The following GNG2 variants were observed in gnomAD, a reference collection of about 807,000 sequenced individuals.
GNG2 encodes the protein guanine nucleotide-binding protein G(I)/G(S)/G(O) subunit gamma-2.
Under a neutral mutation model 5.5 loss-of-function variants are expected in GNG2, and 5 were observed. The ratio of observed to expected loss-of-function variants is 0.91; its 90% CI spans 0.48 to 1.92. The LOEUF (loss-of-function observed/expected upper bound fraction) is 1.92. Ranked by LOEUF, GNG2 falls within the 30% of genes most tolerant of loss-of-function variation. The pLI, the probability that GNG2 is intolerant of heterozygous loss-of-function variation, is 0.01. For synonymous variants in GNG2, 28 were observed against 32.0 expected, an observed-to-expected ratio of 0.88 and a Z score of 0.42; for missense variants, 55 against 88.4, an observed-to-expected ratio of 0.62 and a Z score of 1.52.
chr14:51,930,169 G>C (rs1180817499), intron 2 of GNG2, among the ~76,000 whole-genome samples: 1 of 152,110 alleles, frequency 6.6e-6, no homozygotes, highest in Non-Finnish European at 1.5e-5. Flanking sequence ...TGGCATATTT[G>C]GTTAATGCAC....
At chr14:51,927,952 C>A (rs1310788420) in intron 2 of GNG2, among the ~76,000 whole-genome samples, 1 of 151,722 alleles carries the variant, frequency 6.6e-6, no homozygotes, top group Non-Finnish European at 1.5e-5. Flanking sequence ...TTTGTCATGA[C>A]CCCAAAACAC....
At chr14:51,890,002 A>G (rs1193277433) in intron 2 of GNG2, among the ~76,000 whole-genome samples, 1 of 152,236 alleles carries the variant, frequency 6.6e-6, no homozygotes, top group Non-Finnish European at 1.5e-5. Context: ...CAGTAGATAC[A>G]ACTGAGTGAG....
chr14:51,846,702 C>T (rs1450635905), intron 2 of GNG2, among the ~76,000 whole-genome samples: 1 of 152,074 alleles, frequency 6.6e-6, no homozygotes, highest in Non-Finnish European at 1.5e-5. Context: ...TCTGCCTGCC[C>T]GTCACCATGC....
chr14:51,913,806 A>G (rs1434549427), intron 2 of GNG2, among the ~76,000 whole-genome samples: 2 of 152,250 alleles, frequency 1.3e-5, no homozygotes, highest in African/African-American at 4.8e-5. Flanking sequence ...TACAAGTTCT[A>G]TTATTAGGAT....
At chr14:51,902,849 C>T (rs1005560831) in intron 2 of GNG2, among the ~76,000 whole-genome samples, 1 of 152,112 alleles carries the variant, frequency 6.6e-6, no homozygotes, top group Non-Finnish European at 1.5e-5. Flanking sequence ...GATTGCACCA[C>T]TGTACTCCAA....
intron 2 of GNG2, among the ~76,000 whole-genome samples, chr14:51,835,521 CT>C (rs1204300594): frequency 2.6e-5 from 4 of 152,186 alleles, no homozygotes; most frequent in Admixed American, 2.6e-4. Context: ...ACACCACCCC[CT>C]ACCTTTGATT....
At chr14:51,831,346 G>T (rs544844859) in intron 2 of GNG2, among the ~76,000 whole-genome samples, 2 of 152,308 alleles carry the variant, frequency 1.3e-5, no homozygotes, top group East Asian at 3.9e-4. Context: ...GCAGGAGGAT[G>T]GGACAGGAAT....
At chr14:51,947,859 T>C (rs1888730794) in intron 2 of GNG2, among the ~76,000 whole-genome samples, 1 of 152,192 alleles carries the variant, frequency 6.6e-6, no homozygotes, top group Non-Finnish European at 1.5e-5. Context: ...TAATAGCAGG[T>C]CTGTTGGCTA....
chr14:51,951,028 G>C (rs1888945935), intron 3 of GNG2, among the ~76,000 whole-genome samples: 1 of 151,938 alleles, frequency 6.6e-6, no homozygotes, highest in Non-Finnish European at 1.5e-5. Flanking sequence ...ATTCCAGTGA[G>C]AGAAATTAGA....
At chr14:51,906,757 C>CTTTTTTTTTTTT (rs34240079) in intron 2 of GNG2, among the ~76,000 whole-genome samples, 28,161 of 102,494 alleles carry the variant, frequency 0.27, 5,330 homozygotes, top group East Asian at 0.43. Context: ...TGGAGAATCT[C>CTTTTTTTTTTTT]TTTTTTTTTT....
At chr14:51,951,581 C>T (rs1469033414) in intron 3 of GNG2, among the ~76,000 whole-genome samples, 1 of 152,206 alleles carries the variant, frequency 6.6e-6, no homozygotes, top group Non-Finnish European at 1.5e-5. Flanking sequence ...TCTCATTGTA[C>T]TAAGCTAAAA....
intron 2 of GNG2, among the ~76,000 whole-genome samples, chr14:51,840,069 A>T (rs944378702): frequency 1.3e-5 from 2 of 152,080 alleles, no homozygotes; most frequent in African/African-American, 4.8e-5. Flanking sequence ...ACTGTGAAGG[A>T]CTCCAGAAGG....
chr14:51,871,143 A>C (rs980424243), intron 1 of GNG2, among the ~76,000 whole-genome samples: 3 of 152,184 alleles, frequency 2.0e-5, no homozygotes, highest in African/African-American at 7.2e-5. Flanking sequence ...GGAGAATTAA[A>C]TTGGTCCTTT....
At position 51,878,520 on chromosome 14, in the gene GNG2, G is replaced by T. The variant is rs185760667; in HGVS notation, c.-30+863G>T. Among the ~76,000 whole-genome samples, 9 of 152,192 alleles carry T rather than the reference G, an allele frequency of 5.9e-5. No homozygotes were observed. The East Asian group carries it at 1.7e-3, about 29-fold the overall frequency. On this transcript the variant is annotated intron_variant, in intron 2 of 3. Transcript: ENST00000556766. ...TGTTTATTTACATAACTGTTTAGGG[G>T]ATACAGCAAATGCTAAAAAAAAATA...
intron 2 of GNG2, among the ~76,000 whole-genome samples, chr14:51,896,775 T>C (rs1255757360): frequency 3.9e-5 from 6 of 152,216 alleles, no homozygotes; most frequent in Middle Eastern, 3.4e-3. Flanking sequence ...GGCCAAAATA[T>C]AACAATCATT....
intron 2 of GNG2, among the ~76,000 whole-genome samples, chr14:51,920,312 A>C (rs911712129): frequency 2.0e-5 from 3 of 151,930 alleles, no homozygotes; most frequent in African/African-American, 7.3e-5. Flanking sequence ...ACCCTCCCCT[A>C]TACTTTAAAT....
intron 1 of GNG2, among the ~76,000 whole-genome samples, chr14:51,876,825 A>G (rs1484346811): frequency 6.6e-6 from 1 of 152,182 alleles, no homozygotes; most frequent in Non-Finnish European, 1.5e-5. Flanking sequence ...TTCCACCCTC[A>G]TTCATACTAT....
chr14:51,903,557 T>A (rs1245555968), intron 2 of GNG2, among the ~76,000 whole-genome samples: 1 of 152,228 alleles, frequency 6.6e-6, no homozygotes, highest in Admixed American at 6.5e-5. Flanking sequence ...GTTTTTGGGT[T>A]ATTGTATTAT....
chr14:51,925,910 C>T (rs1887285033), intron 2 of GNG2, among the ~76,000 whole-genome samples: 1 of 152,198 alleles, frequency 6.6e-6, no homozygotes, highest in East Asian at 1.9e-4. Flanking sequence ...GTGTGAGCCA[C>T]CGCACCTGGC....
Sources: allele counts gnomAD v4.1 joint callset (sites outside exome capture counted in the v4.1 genomes callset), GRCh38; gene constraint gnomAD v4.1.1; transcripts MANE v1.5; gene names NCBI Gene and HGNC (gene_info 2026-07-23, HGNC 2026-07-21).